MYO5A: variants seen among roughly 807,000 people sequenced by gnomAD.
MYO5A encodes the protein myosin VA, also known as unconventional myosin-Va.
Under a neutral mutation model 249.7 loss-of-function variants are expected in MYO5A, and 98 were observed. The ratio of observed to expected loss-of-function variants is 0.39; its 90% CI spans 0.33 to 0.46. MYO5A has a LOEUF of 0.46. MYO5A is among the 20% of genes least tolerant of loss of function. The pLI is 0.98. For synonymous variants in MYO5A, 778 were observed against 810.6 expected, an observed-to-expected ratio of 0.96 and a Z score of 0.68; for missense variants, 1,696 against 2,308.8, an observed-to-expected ratio of 0.73 and a Z score of 5.44.
chr15:52,321,707 C>G (rs2038320273), intron 37 of MYO5A, among the ~76,000 whole-genome samples, 198 bp from the exon 38 acceptor site: 1 of 149,346 alleles, frequency 6.7e-6, no homozygotes, highest in Non-Finnish European at 1.5e-5. Context: ...TTCTTACTAG[C>G]TTTTGAACAA....
At chr15:52,322,846 T>TA (rs199815802) in intron 37 of MYO5A, among the ~76,000 whole-genome samples, 9 of 150,856 alleles carry the variant, frequency 6.0e-5, no homozygotes, top group Non-Finnish European at 8.9e-5. Flanking sequence ...TTTTTTTTTT[T>TA]AAACTTTAAG....
chr15:52,331,815 C>T (rs758565500), intron 34 of MYO5A: 4 of 985,402 alleles, frequency 4.1e-6, no homozygotes, highest in Non-Finnish European at 4.8e-6. Flanking sequence ...GAAGTCACCA[C>T]CATCCAGCAA....
At chr15:52,437,238 GCA>G (rs1392226168) in intron 1 of MYO5A, among the ~76,000 whole-genome samples, 1 of 152,086 alleles carries the variant, frequency 6.6e-6, no homozygotes, top group Non-Finnish European at 1.5e-5. Context: ...TACAAAGACA[GCA>G]CTTTTGTAGC....
At chr15:52,319,400 A>C in intron 38 of MYO5A, 58 bp from the exon 39 acceptor site, 1 of 1,560,812 alleles carries the variant, frequency 6.4e-7, no homozygotes, top group Non-Finnish European at 8.8e-7. Context: ...TTTCATGTGC[A>C]CATATCCATG....
intron 1 of MYO5A, among the ~76,000 whole-genome samples, chr15:52,507,028 C>A (rs1451817123): frequency 2.0e-5 from 3 of 152,138 alleles, no homozygotes; most frequent in Non-Finnish European, 4.4e-5. Context: ...ATGAGAGAAG[C>A]TACTTTTTTT....
rs1476819491 is a variant in MYO5A at position 52,378,529 on chromosome 15, A to AAAAAAAAAAAAAAAAAAAAAAAAAAAAG, written c.2208+1095_2208+1096insCTTTTTTTTTTTTTTTTTTTTTTTTTTT. Among the ~76,000 whole-genome samples the AAAAAAAAAAAAAAAAAAAAAAAAAAAAG allele has an allele frequency of 7.7e-5, 11 of 142,224 alleles. 2 individuals carry two copies. Among genetic ancestry groups the AAAAAAAAAAAAAAAAAAAAAAAAAAAAG allele is most frequent in the Non-Finnish European group, 1.7e-4 (11 of 64,708 alleles). The allele number at this position is 142,224 out of a possible 152,430, so 93.3% of individuals were successfully genotyped here. The stretch of plus-strand genomic sequence containing the variant: ...CAAGACTGTCTCAAAAAAAAAAAAA[A>AAAAAAAAAAAAAAAAAAAAAAAAAAAAG]AAGAAGGGAATTGGGGCAAACTCAA... On this transcript the variant is annotated intron_variant, in intron 18 of 41. Transcript: ENST00000399233.
At chr15:52,499,215 C>T (rs1392922620) in intron 1 of MYO5A, among the ~76,000 whole-genome samples, 2 of 152,166 alleles carry the variant, frequency 1.3e-5, no homozygotes, top group Non-Finnish European at 2.9e-5. Flanking sequence ...TACCATAAGA[C>T]ATTAAAGATA....
At chr15:52,484,421 T>A (rs1381832186) in intron 1 of MYO5A, among the ~76,000 whole-genome samples, 1 of 152,178 alleles carries the variant, frequency 6.6e-6, no homozygotes, top group Non-Finnish European at 1.5e-5. Context: ...TATTTTGCCC[T>A]CCTAATCCTT....
At chr15:52,433,412 ACTTTT>A (rs2075585686) in intron 1 of MYO5A, 127 bp from the exon 2 acceptor site, 3 of 362,194 alleles carry the variant, frequency 8.3e-6, no homozygotes, top group Admixed American at 4.4e-5. Context: ...CATGAAATTC[ACTTTT>A]TTTTTTTTTT....
At chr15:52,432,454 A>G (rs1206659386) in intron 2 of MYO5A, among the ~76,000 whole-genome samples, 4 of 152,248 alleles carry the variant, frequency 2.6e-5, no homozygotes, top group African/African-American at 9.6e-5. Flanking sequence ...CAATATAGTC[A>G]AATAGTATAA....
intron 1 of MYO5A, among the ~76,000 whole-genome samples, chr15:52,477,732 T>C (rs2076626491): frequency 6.6e-6 from 1 of 152,190 alleles, no homozygotes; most frequent in Non-Finnish European, 1.5e-5. Flanking sequence ...CTGCAAATAT[T>C]CCAGAACGGC....
At chr15:52,350,355 G>T (rs1430893265) in intron 28 of MYO5A, among the ~76,000 whole-genome samples, 1 of 152,178 alleles carries the variant, frequency 6.6e-6, no homozygotes, top group Admixed American at 6.5e-5. Context: ...GACCAGTGTT[G>T]ATCTCAGGTG....
chr15:52,376,636 G>C (rs2041430516), intron 18 of MYO5A, 78 bp from the exon 19 acceptor site: 1 of 1,366,218 alleles, frequency 7.3e-7, no homozygotes. Context: ...TCTAAAAGCA[G>C]AATCAGTAAA....
Position 52,372,234 on chromosome 15 carries a change from G to A in MYO5A, c.2707C>T (p.Arg903Cys), listed in dbSNP as rs369459573. The A allele has an allele frequency of 9.9e-6, 16 of 1,613,198 alleles. No homozygotes were observed. The highest frequency in any genetic ancestry group is 4.4e-5 in the South Asian group (4 of 91,046). ...TCGATTTTGAGCTTCTTTAGCTCACGCTTGGCCATCATCCGCCTGAAGCAG... is the reference window on the plus strand; with the variant it reads ...TCGATTTTGAGCTTCTTTAGCTCACACTTGGCCATCATCCGCCTGAAGCAG... ...QCCFRRMMAK[R>C]ELKKLKIEAR... The change falls in exon 21 of 42, where the codon CGT becomes TGT. Residue 903 changes from arginine (R) to cysteine (C), a missense_variant. This residue lies in a region of MYO5A where 412 missense variants were observed against 453.3 expected (regional missense o/e 0.91). Coordinates refer to ENST00000399233, the MANE Select transcript of MYO5A (RefSeq NM_001382347.1).
At chr15:52,484,412 AT>A (rs1172741464) in intron 1 of MYO5A, among the ~76,000 whole-genome samples, 1 of 152,132 alleles carries the variant, frequency 6.6e-6, no homozygotes, top group African/African-American at 2.4e-5. Flanking sequence ...AGACAAAAGT[AT>A]TTTGCCCTCC....
rs777850719 is a variant in MYO5A, at chr15:52,367,098, A to G, written c.3093T>C (p.Asn1031=). ...CTTCTTTTTCTTGCTTCAGCAAAGT[A>G]TTTTCTTCCTTCAGATTTGATACCA... ...EQLVSNLKEE[N]TLLKQEKEAL... The change falls in exon 23 of 42, where the codon AAT becomes AAC. Residue 1031 remains asparagine (N), a synonymous_variant. Transcript: ENST00000399233. 5.0e-6 allele frequency: 8 copies of G among 1,613,536 alleles called. No individual in the cohort carries two copies. In the East Asian group the frequency reaches 1.8e-4, roughly 36 times the overall value.
chr15:52,385,220 C>A (rs1453448753), intron 14 of MYO5A, among the ~76,000 whole-genome samples: 1 of 152,150 alleles, frequency 6.6e-6, no homozygotes, highest in Non-Finnish European at 1.5e-5. Context: ...TCTAATTAGT[C>A]AAGCTATATT....
At chr15:52,477,151 A>G (rs1371559378) in intron 1 of MYO5A, among the ~76,000 whole-genome samples, 1 of 152,104 alleles carries the variant, frequency 6.6e-6, no homozygotes, top group Non-Finnish European at 1.5e-5. Context: ...TTGATCTTCA[A>G]TCACTCATAT....
intron 1 of MYO5A, among the ~76,000 whole-genome samples, chr15:52,437,371 G>C (rs542147270): frequency 9.9e-5 from 15 of 152,226 alleles, no homozygotes; most frequent in Admixed American, 2.6e-4. Flanking sequence ...TAGGCAGGCG[G>C]ATCACTTGAG....
Sources: gnomAD v4.1 joint callset for allele counts (sites outside exome capture counted in the v4.1 genomes callset) on GRCh38, gnomAD v4.1.1 for gene constraint, gnomAD v4.1.1 regional missense constraint, MANE v1.5 for transcripts, NCBI Gene and HGNC (gene_info 2026-07-23, HGNC 2026-07-21) for gene names.